The following NLGN1 variants were observed in gnomAD, a reference collection of about 807,000 sequenced individuals.
NLGN1 encodes neuroligin 1.
A neutral mutation model predicts 65.5 loss-of-function variants in NLGN1; 12 were observed. The observed-to-expected ratio is 0.18, with a 90% CI of 0.12 to 0.30. The LOEUF is 0.30. Among genes scored for constraint, NLGN1 ranks in the 10% least tolerant of loss-of-function variants. NLGN1 has a pLI of 1.00. For missense variants in NLGN1, 750 were observed against 1,007.1 expected (o/e 0.74, Z 3.46); for synonymous variants, 350 against 359.5 (o/e 0.97, Z 0.30).
At chr3:173,657,001 A>C (rs77578940) in intron 3 of NLGN1, among the ~76,000 whole-genome samples, 4,281 of 152,194 alleles carry the variant, frequency 0.028, 88 homozygotes, top group Middle Eastern at 0.044. Context: ...AGATTACATT[A>C]GACAATAAAT....
chr3:174,122,547 A>T (rs567348452), intron 4 of NLGN1, among the ~76,000 whole-genome samples: 1 of 152,022 alleles, frequency 6.6e-6, no homozygotes, highest in African/African-American at 2.4e-5. Flanking sequence ...CTCTGATGAC[A>T]TTTTCAAAAT....
chr3:173,504,652 C>A (rs2149072834), intron 2 of NLGN1, among the ~76,000 whole-genome samples: 2 of 152,172 alleles, frequency 1.3e-5, no homozygotes, highest in South Asian at 4.1e-4. Context: ...TTCTCTTTCA[C>A]CCTTCAACCC....
intron 2 of NLGN1, among the ~76,000 whole-genome samples, chr3:173,441,767 G>C (rs1372945194): frequency 6.6e-6 from 1 of 152,108 alleles, no homozygotes; most frequent in South Asian, 2.1e-4. Context: ...ACATGCTGTT[G>C]GGAAAATGAC....
intron 4 of NLGN1, among the ~76,000 whole-genome samples, chr3:174,069,785 A>G (rs868752018): frequency 2.8e-4 from 42 of 152,292 alleles, no homozygotes; most frequent in Middle Eastern, 3.4e-3. Context: ...TTCAATTTTG[A>G]TATTATTTCT....
intron 4 of NLGN1, among the ~76,000 whole-genome samples, chr3:174,085,470 T>C (rs116698902): frequency 0.032 from 4,800 of 152,072 alleles, 244 homozygotes; most frequent in African/African-American, 0.1. Context: ...TTAGTCTTAT[T>C]CACATTTTCT....
At chr3:173,446,075 A>G (rs1168759405) in intron 2 of NLGN1, among the ~76,000 whole-genome samples, 1 of 139,598 alleles carries the variant, frequency 7.2e-6, no homozygotes, top group Non-Finnish European at 1.6e-5. Context: ...TTTTTTTACT[A>G]TTATTATACT....
At chr3:174,290,184 T>G (rs1056647064), downstream of NLGN1, among the ~76,000 whole-genome samples, 1 of 150,754 alleles carries the variant, frequency 6.6e-6, no homozygotes, top group African/African-American at 2.4e-5. Flanking sequence ...CAAGATTATT[T>G]TGAATCAAAA....
At chr3:173,845,433 A>G (rs975633411) in intron 4 of NLGN1, among the ~76,000 whole-genome samples, 10 of 152,204 alleles carry the variant, frequency 6.6e-5, no homozygotes, top group Admixed American at 5.9e-4. Context: ...GACACAACAT[A>G]AACAAACAGA....
intron 4 of NLGN1, among the ~76,000 whole-genome samples, chr3:174,184,315 T>G (rs537970003): frequency 1.3e-5 from 2 of 151,478 alleles, no homozygotes; most frequent in East Asian, 3.9e-4. Flanking sequence ...CAAAAAACAC[T>G]CAGCCAAATA....
intron 4 of NLGN1, among the ~76,000 whole-genome samples, chr3:174,104,011 C>G (rs369499854): frequency 6.6e-6 from 1 of 152,088 alleles, no homozygotes; most frequent in East Asian, 1.9e-4. Context: ...GCTGTTTCTT[C>G]TCACCTCATA....
In NLGN1 at chr3:173,682,774, A is replaced by G. The variant is rs191713514; in HGVS notation, c.493+77683A>G. Among the ~76,000 whole-genome samples the G allele has an allele frequency of 2.4e-4, 36 of 152,222 alleles. No individual in the cohort carries two copies. The East Asian group carries it at 5.6e-3, about 24-fold the overall frequency. ...TAACTCCCACATGCTTAGTGTTCCA[A>G]TAATGGAACACCAGGCATAAATGGG... On this transcript the variant is annotated intron_variant, in intron 3 of 6. Coordinates refer to ENST00000457714, the Ensembl canonical transcript of NLGN1.
chr3:173,397,619 C>G (rs1441448268), upstream of NLGN1, among the ~76,000 whole-genome samples: 2 of 152,102 alleles, frequency 1.3e-5, no homozygotes, highest in African/African-American at 4.8e-5. Flanking sequence ...CTCTCCCGTT[C>G]CCCCGTCAGT....
At chr3:174,275,171 CTTT>C (rs1359294712) in intron 4 of NLGN1, 141 bp from the exon 5 acceptor site, 1 of 623,750 alleles carries the variant, frequency 1.6e-6, no homozygotes, top group Admixed American at 3.0e-5. Flanking sequence ...AAAGTAAATT[CTTT>C]TGTTATAGTG....
exon 7 of NLGN1, chr3:174,284,765 T>C (rs1477966624): frequency 6.6e-6 from 1 of 151,394 alleles, no homozygotes; most frequent in Non-Finnish European, 1.5e-5. Context: ...AATAATTTGC[T>C]AAAGCATTAA....
chr3:174,151,072 C>T (rs897756934), intron 4 of NLGN1, among the ~76,000 whole-genome samples: 8 of 151,768 alleles, frequency 5.3e-5, no homozygotes, highest in Non-Finnish European at 1.0e-4. Context: ...ACATAATCCC[C>T]TCTTTCTCTT....
At chr3:174,117,962 T>C (rs1407443039) in intron 4 of NLGN1, among the ~76,000 whole-genome samples, 1 of 152,190 alleles carries the variant, frequency 6.6e-6, no homozygotes, top group Admixed American at 6.5e-5. Context: ...AACAAAGAAA[T>C]TCCATATGCA....
At chr3:173,641,905 A>T (rs1277382859) in intron 3 of NLGN1, among the ~76,000 whole-genome samples, 1 of 152,132 alleles carries the variant, frequency 6.6e-6, no homozygotes, top group African/African-American at 2.4e-5. Context: ...GGAGTTGATT[A>T]TGTGCAACAG....
intron 2 of NLGN1, among the ~76,000 whole-genome samples, chr3:173,496,834 A>G (rs1560339029): frequency 6.6e-6 from 1 of 151,918 alleles, no homozygotes; most frequent in Non-Finnish European, 1.5e-5. Context: ...TATTATTAAT[A>G]TTTACTAAAT....
intron 2 of NLGN1, among the ~76,000 whole-genome samples, chr3:173,563,735 A>G (rs1368018696): frequency 2.6e-5 from 4 of 152,024 alleles, no homozygotes; most frequent in Non-Finnish European, 5.9e-5. Flanking sequence ...TTACCTTTAA[A>G]TACATAAGAA....
Sources: allele counts gnomAD v4.1 joint callset (sites outside exome capture counted in the v4.1 genomes callset), GRCh38; gene constraint gnomAD v4.1.1; transcripts MANE v1.5; gene names NCBI Gene and HGNC (gene_info 2026-07-23, HGNC 2026-07-21).